The following C12orf42 variants were observed in gnomAD, a reference collection of about 807,000 sequenced individuals.
C12orf42 encodes the protein chromosome 12 open reading frame 42, also known as uncharacterized protein C12orf42.
In C12orf42, 25 loss-of-function variants were observed where a neutral mutation model predicts 21.6. The ratio of observed to expected loss-of-function variants is 1.16; its 90% CI spans 0.84 to 1.62. The LOEUF (loss-of-function observed/expected upper bound fraction) is 1.62, where lower values mean the gene tolerates loss of function less well. C12orf42 is among the 40% of genes most tolerant of loss of function. C12orf42 has a pLI of 0.00. For synonymous variants in C12orf42, 174 were observed against 175.0 expected (o/e 0.99, Z 0.05); for missense variants, 483 against 459.3 (o/e 1.05, Z -0.47).
At chr12:103,363,747 G>A (rs1023964074) in intron 4 of C12orf42, among the ~76,000 whole-genome samples, 1 of 151,920 alleles carries the variant, frequency 6.6e-6, no homozygotes, top group Non-Finnish European at 1.5e-5. Flanking sequence ...AAAAGACAAA[G>A]ACAGACATTA....
At chr12:103,209,163 A>G in the C12orf42 span, among the ~76,000 whole-genome samples, 1 of 152,230 alleles carries the variant, frequency 6.6e-6, no homozygotes, top group African/African-American at 2.4e-5. Flanking sequence ...TCAGAAAAAA[A>G]AAGAAAATTT....
At chr12:103,434,980 T>C (rs1295692255) in intron 2 of C12orf42, among the ~76,000 whole-genome samples, 8 of 152,146 alleles carry the variant, frequency 5.3e-5, no homozygotes, top group Non-Finnish European at 1.0e-4. Flanking sequence ...AGCAGTAACC[T>C]CTGCAGACTT....
upstream of C12orf42, chr12:103,496,062 C>T (rs1398047997): frequency 6.6e-6 from 1 of 152,510 alleles, no homozygotes; most frequent in African/African-American, 2.4e-5. Flanking sequence ...GACCCTCCCC[C>T]GCGACTGCCA....
intron 3 of C12orf42, among the ~76,000 whole-genome samples, chr12:103,395,139 G>A (rs1208676176): frequency 6.6e-6 from 1 of 152,190 alleles, no homozygotes; most frequent in African/African-American, 2.4e-5. Flanking sequence ...AGCAGGTACT[G>A]AATAAATATT....
downstream of C12orf42, among the ~76,000 whole-genome samples, chr12:103,298,711 C>G (rs1388398825): frequency 6.6e-6 from 1 of 152,188 alleles, no homozygotes; most frequent in African/African-American, 2.4e-5. Flanking sequence ...AGATCTGGAT[C>G]AGCTCCAGTA....
At chr12:103,473,466 G>C (rs1374039380) in intron 2 of C12orf42, among the ~76,000 whole-genome samples, 1 of 152,156 alleles carries the variant, frequency 6.6e-6, no homozygotes, top group East Asian at 1.9e-4. Context: ...CAGTCCTCAG[G>C]CTTCTTATCT....
At chr12:103,334,213 T>C (rs1201361036) in intron 4 of C12orf42, among the ~76,000 whole-genome samples, 2 of 152,208 alleles carry the variant, frequency 1.3e-5, no homozygotes, top group Non-Finnish European at 2.9e-5. Context: ...AAAATTATAA[T>C]AACCCACACA....
At chr12:103,444,324 CT>C (rs1242501452) in intron 2 of C12orf42, among the ~76,000 whole-genome samples, 1 of 152,062 alleles carries the variant, frequency 6.6e-6, no homozygotes, top group East Asian at 1.9e-4. Context: ...GGGCTTTCTT[CT>C]GTTATTTTTT....
At chr12:103,438,430 T>G (rs1459319033) in intron 2 of C12orf42, among the ~76,000 whole-genome samples, 1 of 151,700 alleles carries the variant, frequency 6.6e-6, no homozygotes, top group East Asian at 1.9e-4. Flanking sequence ...GAGAAAGAAA[T>G]AAAGGGTATT....
At chr12:103,530,527 G>A in the C12orf42 span, among the ~76,000 whole-genome samples, 78 of 152,314 alleles carry the variant, frequency 5.1e-4, no homozygotes, top group South Asian at 1.0e-3. Flanking sequence ...TGAGGCATGA[G>A]GGGTGGGTTT....
intron 4 of C12orf42, among the ~76,000 whole-genome samples, chr12:103,309,129 A>G (rs2038684373): frequency 6.6e-6 from 1 of 152,212 alleles, no homozygotes; most frequent in African/African-American, 2.4e-5. Flanking sequence ...TAGCAGCCCT[A>G]GAAAATGATT....
the C12orf42 span, among the ~76,000 whole-genome samples, chr12:103,560,136 T>C: frequency 6.6e-6 from 1 of 152,184 alleles, no homozygotes. Context: ...ACTCTATGAG[T>C]TAAATATACT....
intron 2 of C12orf42, among the ~76,000 whole-genome samples, chr12:103,451,221 ATTTATTTATTTG>A (rs1259227781): frequency 4.6e-5 from 7 of 151,338 alleles, no homozygotes; most frequent in South Asian, 2.1e-4. Context: ...CTTTCATTTT[ATTTATTTATTTG>A]TTTATTTATT....
intron 4 of C12orf42, among the ~76,000 whole-genome samples, chr12:103,308,144 C>T (rs1426638760): frequency 1.3e-5 from 2 of 152,038 alleles, no homozygotes; most frequent in African/African-American, 4.8e-5. Context: ...AATATTCTAA[C>T]TATTAATAGT....
downstream of C12orf42, among the ~76,000 whole-genome samples, chr12:103,232,624 T>G (rs778464449): frequency 2.6e-4 from 38 of 146,500 alleles, no homozygotes; most frequent in Non-Finnish European, 5.0e-4. Context: ...GGCAGGAGAA[T>G]GGCATGAAGC....
intron 4 of C12orf42, among the ~76,000 whole-genome samples, chr12:103,360,526 C>G (rs961347903): frequency 3.3e-5 from 5 of 152,042 alleles, no homozygotes; most frequent in Admixed American, 6.6e-5. Flanking sequence ...TAATTATAAA[C>G]TATGTTATTT....
At chr12:103,290,576 A>G (rs989302531) in intron 4 of C12orf42, among the ~76,000 whole-genome samples, 1 of 152,192 alleles carries the variant, frequency 6.6e-6, no homozygotes, top group Non-Finnish European at 1.5e-5. Context: ...GGAAGGAACT[A>G]ACACACAATA....
At chr12:103,278,726 T>C (rs192783937) in intron 4 of C12orf42, among the ~76,000 whole-genome samples, 2 of 152,226 alleles carry the variant, frequency 1.3e-5, no homozygotes, top group African/African-American at 4.8e-5. Flanking sequence ...ACTGGGGCTC[T>C]AAGTGGGGAA....
chr12:103,435,485 A>G (rs1290401551), intron 2 of C12orf42, among the ~76,000 whole-genome samples: 1 of 152,236 alleles, frequency 6.6e-6, no homozygotes, highest in African/African-American at 2.4e-5. Context: ...CCAAAGGCAA[A>G]GAAGTTGAAA....
Sources: gnomAD v4.1 joint callset for allele counts (sites outside exome capture counted in the v4.1 genomes callset) on GRCh38, gnomAD v4.1.1 for gene constraint, MANE v1.5 for transcripts, NCBI Gene and HGNC (gene_info 2026-07-23, HGNC 2026-07-21) for gene names.